Variants in CNTN5 observed in about 807,000 individuals in gnomAD.
The protein encoded by CNTN5 is contactin 5, also known as contactin-5.
In CNTN5, 77 loss-of-function variants were observed where a neutral mutation model predicts 129.1. The ratio of observed to expected loss-of-function variants is 0.60; its 90% CI spans 0.50 to 0.72. The LOEUF (loss-of-function observed/expected upper bound fraction) is 0.72. Ranked by LOEUF, CNTN5 falls within the 30% of genes least tolerant of loss-of-function variation. The pLI is 0.00. For missense variants in CNTN5, 1,478 were observed against 1,328.8 expected, an observed-to-expected ratio of 1.11 and a Z score of -1.75; for synonymous variants, 509 against 465.6, an observed-to-expected ratio of 1.09 and a Z score of -1.20.
chr11:99,780,581 G>T lies in CNTN5; in HGVS notation c.56-38963G>T, dbSNP rs1195490477. Among the ~76,000 whole-genome samples, 4 of 152,058 alleles carry T rather than the reference G, an allele frequency of 2.6e-5. No homozygotes were observed. In the East Asian group the frequency reaches 5.8e-4, roughly 22 times the overall value. ...ACAACAGATGGGAGATCAGAGTGTA[G>T]TCCAAGAGAGTTTATTACAAGGATT... On this transcript the variant is annotated intron_variant, in intron 3 of 24. Transcript: ENST00000524871.
intron 13 of CNTN5, among the ~76,000 whole-genome samples, chr11:100,180,374 T>C (rs887088689): frequency 3.9e-5 from 6 of 151,922 alleles, no homozygotes; most frequent in African/African-American, 1.4e-4. Context: ...AGGATAGCCT[T>C]TTGGAAAATG....
intron 3 of CNTN5, among the ~76,000 whole-genome samples, chr11:99,704,600 C>T (rs950516166): frequency 2.0e-5 from 3 of 150,922 alleles, no homozygotes; most frequent in Non-Finnish European, 3.0e-5. Context: ...AAAGAGAACC[C>T]GATTTTATCT....
intron 2 of CNTN5, among the ~76,000 whole-genome samples, chr11:99,521,619 C>G (rs1268472421): frequency 2.0e-5 from 3 of 152,116 alleles, no homozygotes; most frequent in Non-Finnish European, 4.4e-5. Flanking sequence ...GCTTTAACTG[C>G]GTTAGCTTGC....
chr11:99,843,701 G>C (rs1947588747), intron 4 of CNTN5, among the ~76,000 whole-genome samples: 1 of 152,054 alleles, frequency 6.6e-6, no homozygotes, highest in Non-Finnish European at 1.5e-5. Context: ...CTGGAATCTA[G>C]TGGGTAGAGG....
intron 2 of CNTN5, among the ~76,000 whole-genome samples, chr11:99,444,222 A>G (rs956051791): frequency 6.6e-6 from 1 of 151,650 alleles, no homozygotes; most frequent in East Asian, 1.9e-4. Flanking sequence ...GAGAGAGAGA[A>G]AGAGAGAGAG....
chr11:99,100,414 C>T (rs1263012773), intron 1 of CNTN5, among the ~76,000 whole-genome samples: 1 of 151,948 alleles, frequency 6.6e-6, no homozygotes, highest in Non-Finnish European at 1.5e-5. Flanking sequence ...CTTATTTTGA[C>T]CTTGGTGTTT....
intron 1 of CNTN5, among the ~76,000 whole-genome samples, chr11:99,055,087 A>G (rs374164418): frequency 6.6e-6 from 1 of 152,012 alleles, no homozygotes. Flanking sequence ...CTAGGTCCCT[A>G]GAATTTCCAT....
intron 3 of CNTN5, among the ~76,000 whole-genome samples, chr11:99,662,199 A>G (rs1385969005): frequency 6.6e-6 from 1 of 152,192 alleles, no homozygotes; most frequent in Non-Finnish European, 1.5e-5. Flanking sequence ...AATATTTCAA[A>G]GAAATAGGAA....
At chr11:99,224,185 TGA>T (rs1860553928) in intron 1 of CNTN5, among the ~76,000 whole-genome samples, 2 of 150,572 alleles carry the variant, frequency 1.3e-5, no homozygotes, top group South Asian at 2.1e-4. Context: ...ATAATTTAGC[TGA>T]GAGAGCTTCT....
At chr11:99,813,656 T>G (rs1485151306) in intron 3 of CNTN5, among the ~76,000 whole-genome samples, 1 of 152,072 alleles carries the variant, frequency 6.6e-6, no homozygotes, top group Non-Finnish European at 1.5e-5. Flanking sequence ...GAAAAATGTT[T>G]CCTAGGGTGT....
In CNTN5 at chr11:99,841,637, A is replaced by G. The variant is rs1054875482; in HGVS notation, c.278-3215A>G. ...GCAGCAGAAGCAGCATCAGCAGAAGAGGAGGAGGAGAATGAAGGAGAAGGA... is the reference window on the plus strand; with the variant it reads ...GCAGCAGAAGCAGCATCAGCAGAAGGGGAGGAGGAGAATGAAGGAGAAGGA... On this transcript the variant is annotated intron_variant, in intron 4 of 24. Transcript: ENST00000524871. Among the ~76,000 whole-genome samples the G allele has an allele frequency of 5.6e-4, 85 of 151,692 alleles. 1 individual carries two copies. Among genetic ancestry groups the G allele is most frequent in the Non-Finnish European group, 8.8e-5 (6 of 67,938 alleles).
intron 3 of CNTN5, among the ~76,000 whole-genome samples, chr11:99,627,426 A>G (rs888458051): frequency 6.7e-6 from 1 of 149,620 alleles, no homozygotes; most frequent in Non-Finnish European, 1.5e-5. Flanking sequence ...AACATGATTA[A>G]TGTTACGAAA....
At chr11:99,207,774 T>C (rs761028370) in intron 1 of CNTN5, among the ~76,000 whole-genome samples, 1 of 152,184 alleles carries the variant, frequency 6.6e-6, no homozygotes, top group Non-Finnish European at 1.5e-5. Flanking sequence ...CTTTAAAAAG[T>C]AGTCTGCATT....
intron 18 of CNTN5, among the ~76,000 whole-genome samples, chr11:100,289,458 C>G (rs7130179): frequency 0.012 from 1,751 of 150,968 alleles, 32 homozygotes; most frequent in African/African-American, 0.04. Flanking sequence ...GTTCAATATA[C>G]GCAAATCAAT....
chr11:99,165,477 T>C (rs1192507526), intron 1 of CNTN5, among the ~76,000 whole-genome samples: 1 of 152,140 alleles, frequency 6.6e-6, no homozygotes, highest in Non-Finnish European at 1.5e-5. Context: ...CGTCTGTAAA[T>C]ACAGTGTTTC....
chr11:99,686,254 CTTA>C (rs1953787392), intron 3 of CNTN5, among the ~76,000 whole-genome samples: 1 of 152,008 alleles, frequency 6.6e-6, no homozygotes, highest in Non-Finnish European at 1.5e-5. Context: ...GTCTCTAATG[CTTA>C]TTTAGAGTCA....
chr11:99,232,055 T>C (rs899358840), intron 1 of CNTN5, among the ~76,000 whole-genome samples: 1 of 152,178 alleles, frequency 6.6e-6, no homozygotes, highest in Non-Finnish European at 1.5e-5. Flanking sequence ...ACTGTAGCCT[T>C]GTAGTATAGT....
At chr11:99,103,323 C>A (rs1223995688) in intron 1 of CNTN5, among the ~76,000 whole-genome samples, 1 of 152,324 alleles carries the variant, frequency 6.6e-6, no homozygotes, top group East Asian at 1.9e-4. Context: ...TATGTATACA[C>A]TAGCACAGCA....
intron 1 of CNTN5, among the ~76,000 whole-genome samples, chr11:99,244,717 T>G (rs1861731589): frequency 6.6e-6 from 1 of 152,188 alleles, no homozygotes; most frequent in Non-Finnish European, 1.5e-5. Context: ...AAAATCAGAC[T>G]TTTTGGTGCT....
Sources: allele counts gnomAD v4.1 joint callset (sites outside exome capture counted in the v4.1 genomes callset), GRCh38; gene constraint gnomAD v4.1.1; transcripts MANE v1.5; gene names NCBI Gene and HGNC (gene_info 2026-07-23, HGNC 2026-07-21).